FGG: variants seen among roughly 807,000 people sequenced by gnomAD.
The protein encoded by FGG is fibrinogen, gamma polypeptide.
In FGG, 20 loss-of-function variants were observed where a neutral mutation model predicts 51.7. That is an observed-to-expected ratio of 0.39 (90% confidence interval 0.27 to 0.56). FGG has a LOEUF of 0.56. FGG is among the 20% of genes least tolerant of loss of function. The probability of loss-of-function intolerance (pLI) is 0.64; values close to 1 mark genes in which losing one functional copy is unlikely to be tolerated. For missense variants in FGG, 460 were observed against 534.2 expected (o/e 0.86, Z 1.37); for synonymous variants, 184 against 184.7 (o/e 1.00, Z 0.03).
intron 2 of FGG, 40 bp downstream of exon 2, chr4:154,612,351 C>A (rs2110851339): frequency 1.2e-6 from 2 of 1,607,724 alleles, no homozygotes; most frequent in South Asian, 2.2e-5. Flanking sequence ...CTGCCCCTCT[C>A]CAGTTCACAC....
rs1335569578 is a variant in FGG at position 154,606,979 on chromosome 4, A to G, written c.855T>C (p.Thr285=). 1.9e-6 allele frequency: 3 copies of G among 1,585,820 alleles called. No individual in the cohort carries two copies. The part of the protein sequence containing the change: ...ELEDWNGRTS[T]ADYAMFKVGP... ...CCACCTTGAACATGGCATAGTCTGC[A>G]GTACTGAGAAGAAGGAAATACAACC... Residue 285 remains threonine, a synonymous_variant, in exon 8 of 9, where the codon ACT becomes ACC. Transcript: ENST00000336098.
chr4:154,606,686 C>A lies in FGG; in HGVS notation c.1129+19G>T. The A allele has an allele frequency of 3.7e-6, 6 of 1,613,328 alleles. No individual in the cohort carries two copies. Among genetic ancestry groups the A allele is most frequent in the Non-Finnish European group, 4.2e-6 (5 of 1,179,418 alleles). On this transcript the variant is annotated intron_variant, in intron 8 of 8. Coordinates refer to ENST00000336098, the MANE Select transcript of FGG (RefSeq NM_021870.3). ...TATACACTATACATTAACTTGGAAT[C>A]TAAGAAAGGAAAACATACCTTGGTA... is the stretch of plus-strand genomic sequence containing the variant.
chr4:154,605,282 A>G (rs986730009), intron 8 of FGG, among the ~76,000 whole-genome samples: 6 of 152,178 alleles, frequency 3.9e-5, no homozygotes, highest in African/African-American at 1.4e-4. Flanking sequence ...AGTCACATCC[A>G]CACTTTAAAT....
At chr4:154,610,325 T>C in intron 4 of FGG, 128 bp from the exon 5 acceptor site, 1 of 687,798 alleles carries the variant, frequency 1.5e-6, no homozygotes, top group Non-Finnish European at 2.4e-6. Flanking sequence ...TGATAAATTA[T>C]TCCATTCTTG....
rs751572367 is a variant in FGG, at chr4:154,606,721, A to G, written c.1113T>C (p.Asn371=). 5 of 1,613,810 alleles carry G rather than the reference A, an allele frequency of 3.1e-6. No individual in the cohort carries two copies. The South Asian group carries it at 4.4e-5, about 14-fold the overall frequency. Residue 371 remains asparagine (N), a synonymous_variant, in exon 8 of 9, where the codon AAT becomes AAC. Transcript: ENST00000336098. ...WMNKCHAGHL[N]GVYYQGGTYS... ...AAAACATACCTTGGTAATAAACTCC[A>G]TTGAGATGGCCAGCGTGACACTTGT...
intron 6 of FGG, 61 bp downstream of exon 6, chr4:154,609,565 GTATC>G: frequency 1.9e-6 from 3 of 1,589,154 alleles, no homozygotes; most frequent in Non-Finnish European, 1.7e-6. Flanking sequence ...GCTTAGAAAA[GTATC>G]TGCCATATGG....
intron 2 of FGG, 57 bp downstream of exon 2, chr4:154,612,334 T>TGA: frequency 6.3e-7 from 1 of 1,592,660 alleles, no homozygotes; most frequent in Admixed American, 1.7e-5. Context: ...GAATTATTTC[T>TGA]ATTCCTCTGC....
chr4:154,604,983 T>A lies in FGG; in HGVS notation c.1213A>T (p.Met405Leu). 6.2e-7 allele frequency: 1 copy of A among 1,614,108 alleles called. No homozygotes were observed. Among genetic ancestry groups the A allele is most frequent in the South Asian group, 1.1e-5 (1 of 91,082 alleles). Residue 405 changes from methionine (M) to leucine (L), a missense_variant, in exon 9 of 9, where the codon ATG becomes TTG. By Grantham distance (15) the Met-to-Leu change is conservative. Transcript: ENST00000336098. ...WATWKTRWYS[M>L]KKTTMKIIPF... ...ATTATCTTCATAGTGGTTTTCTTCA[T>A]GGAATACCACCGGGTTTTCCAAGTG...
chr4:154,610,827 T>C (rs184989553), intron 4 of FGG, among the ~76,000 whole-genome samples: 1 of 152,272 alleles, frequency 6.6e-6, no homozygotes, highest in African/African-American at 2.4e-5. Context: ...GCTTTGGGAA[T>C]GGACTGGGGG....
rs185054203 is a variant in FGG, at chr4:154,608,061, T to C, written c.851+405A>G. Among the ~76,000 whole-genome samples the C allele has an allele frequency of 5.1e-4, 78 of 152,298 alleles. 2 individuals are homozygous for C. The East Asian group carries it at 0.011, about 21-fold the overall frequency. On this transcript the variant is annotated intron_variant, in intron 7 of 8. Transcript: ENST00000336098. ...AGGACAGGCTCTAAAGTTAAACTACTTGAGTCTGAATTCTACCTCTACCAC... is the reference window on the plus strand; with the variant it reads ...AGGACAGGCTCTAAAGTTAAACTACCTGAGTCTGAATTCTACCTCTACCAC...
Position 154,609,804 on chromosome 4 carries a change from A to C in FGG, c.533-41T>G, listed in dbSNP as rs776233235. The stretch of plus-strand genomic sequence containing the variant: ...CGACTTTTACTGTGGTTTGAAATGC[A>C]GGTAAGACTGTGCCAGCCTTGAAAA... On this transcript the variant is annotated intron_variant, in intron 5 of 8. Transcript: ENST00000336098. The C allele has an allele frequency of 8.1e-6, 13 of 1,613,774 alleles. No individual in the cohort carries two copies. The East Asian group carries it at 2.9e-4, about 36-fold the overall frequency.
In FGG at chr4:154,612,129, G is replaced by T; in HGVS notation, c.196C>A (p.Leu66Ile). 7 of 1,612,418 alleles carry T rather than the reference G, an allele frequency of 4.3e-6. No homozygotes were observed. The highest frequency in any genetic ancestry group is 5.9e-6 in the Non-Finnish European group (7 of 1,179,530). The part of the protein sequence containing the change: ...STYQTKVDKD[L>I]QSLEDILHQV... ...TGTAAGATGTCTTCCAAAGACTGTA[G>T]ATCCTTGTCTACTTTGGTTTGATAA... The change falls in exon 3 of 9, where the codon CTA becomes ATA. Residue 66 changes from leucine (L) to isoleucine (I), a missense_variant. Transcript: ENST00000336098.
chr4:154,606,701 A>T lies in FGG; in HGVS notation c.1129+4T>A, dbSNP rs1731102599. 1 of 1,613,588 alleles carries T rather than the reference A, an allele frequency of 6.2e-7. No individual in the cohort carries two copies. Among genetic ancestry groups the T allele is most frequent in the Non-Finnish European group, 8.5e-7 (1 of 1,179,522 alleles). On this transcript the variant is annotated splice_donor_region_variant and intron_variant, in intron 8 of 8. Transcript: ENST00000336098. ...AACTTGGAATCTAAGAAAGGAAAAC[A>T]TACCTTGGTAATAAACTCCATTGAG...
chr4:154,610,259 G>C, intron 4 of FGG, 62 bp from the exon 5 acceptor site: 2 of 1,311,192 alleles, frequency 1.5e-6, no homozygotes, highest in Non-Finnish European at 2.2e-6. Context: ...CCTTTCAGAA[G>C]AGTAATTTTA....
rs1731112109 is a variant in FGG, at chr4:154,607,002, A to G, written c.852-20T>C. 1 of 1,556,716 alleles carries G rather than the reference A, an allele frequency of 6.4e-7. No homozygotes were observed. The highest frequency in any genetic ancestry group is 1.3e-5 in the South Asian group (1 of 79,600). On this transcript the variant is annotated intron_variant, in intron 7 of 8. Coordinates refer to ENST00000336098, the MANE Select transcript of FGG (RefSeq NM_021870.3). ...GCAGTACTGAGAAGAAGGAAATACA[A>G]CCATCACATGCTGACCCTCCTCAGG...
Position 154,604,657 on chromosome 4 carries a change from A to G in FGG, c.*177T>C. On this transcript the variant is annotated 3_prime_UTR_variant, in exon 9 of 9. Coordinates refer to ENST00000336098, the MANE Select transcript of FGG (RefSeq NM_021870.3). ...ATCTCCTCAAATAAACAATTTTTAA[A>G]TAACTCTGATATCAGTAATTTGGAA... 2 of 1,384,752 alleles carry G rather than the reference A, an allele frequency of 1.4e-6. No individual in the cohort carries two copies. Among genetic ancestry groups the G allele is most frequent in the South Asian group, 1.7e-5 (1 of 58,338 alleles). The allele number at this position is 1,384,752 out of a possible 1,614,324, so 85.8% of individuals were successfully genotyped here.
Position 154,606,973 on chromosome 4 carries a change from G to A in FGG, c.861C>T (p.Asp287=). Residue 287 remains aspartate, a synonymous_variant, in exon 8 of 9, where the codon GAC becomes GAT. Transcript: ENST00000336098. ...CAGGTCCCACCTTGAACATGGCATA[G>A]TCTGCAGTACTGAGAAGAAGGAAAT... The part of the protein sequence containing the change: ...EDWNGRTSTA[D]YAMFKVGPEA... The A allele has an allele frequency of 6.2e-7, 1 of 1,605,224 alleles. No homozygotes were observed. Among genetic ancestry groups the A allele is most frequent in the Non-Finnish European group, 8.5e-7 (1 of 1,175,484 alleles).
At position 154,607,071 on chromosome 4, in the gene FGG, T is replaced by C; in HGVS notation, c.852-89A>G. 3 of 1,469,308 alleles carry C rather than the reference T, an allele frequency of 2.0e-6. No individual in the cohort carries two copies. In the Admixed American group the frequency reaches 7.0e-5, roughly 34 times the overall value. 91.0% of individuals were successfully genotyped at this position (1,469,308 alleles called of 1,614,324 possible). A position where few individuals can be genotyped will look rare whatever the true frequency, so the allele number is the denominator to read the frequency against. ...TTTCGTAGGATGCTTCCTTGGAATTTTTGACTTTGTTTCTTAAGGCTGAAA... is the reference window on the plus strand; with the variant it reads ...TTTCGTAGGATGCTTCCTTGGAATTCTTGACTTTGTTTCTTAAGGCTGAAA... On this transcript the variant is annotated intron_variant, in intron 7 of 8. Coordinates refer to ENST00000336098, the MANE Select transcript of FGG (RefSeq NM_021870.3).
At chr4:154,609,541 A>G in intron 6 of FGG, 89 bp downstream of exon 6, 1 of 1,479,726 alleles carries the variant, frequency 6.8e-7, no homozygotes, top group Non-Finnish European at 9.4e-7. Context: ...TAAATGAGCT[A>G]CGGTTCACAA....
Sources: allele counts gnomAD v4.1 joint callset (sites outside exome capture counted in the v4.1 genomes callset), GRCh38; gene constraint gnomAD v4.1.1; transcripts MANE v1.5; gene names NCBI Gene and HGNC (gene_info 2026-07-23, HGNC 2026-07-21).